Variants in CD37 observed in about 807,000 individuals in gnomAD.
CD37 encodes the protein CD37 molecule.
A neutral mutation model predicts 38.9 loss-of-function variants in CD37; 37 were observed. That is an observed-to-expected ratio of 0.95 (90% confidence interval 0.73 to 1.25). The LOEUF (loss-of-function observed/expected upper bound fraction) is 1.25. Ranked by LOEUF, CD37 falls within the 50% of genes most tolerant of loss-of-function variation. CD37 has a pLI of 0.00. For synonymous variants in CD37, 146 were observed against 150.1 expected (o/e 0.97, Z 0.20); for missense variants, 351 against 360.1 (o/e 0.97, Z 0.20).
Position 49,337,762 on chromosome 19 carries a change from G to T in CD37, c.343-163G>T, listed in dbSNP as rs1397423107. ...GAGACTTATGAGCCGTAGAAATAGT[G>T]GAAGAAACAGAAAGACAGACCTGAA... is the stretch of plus-strand genomic sequence containing the variant. On this transcript the variant is annotated intron_variant, in intron 4 of 7. Transcript: ENST00000323906. The T allele has an allele frequency of 3.3e-6, 5 of 1,538,300 alleles. No individual in the cohort carries two copies. The East Asian group carries it at 1.2e-4, about 38-fold the overall frequency.
At chr19:49,337,368 G>A (rs1970996329) in intron 4 of CD37, 147 bp downstream of exon 4, 16 of 819,890 alleles carry the variant, frequency 2.0e-5, no homozygotes, top group South Asian at 1.9e-4. Flanking sequence ...GGTGGCTCAC[G>A]CCTGTAATCC....
rs1364665524 is a variant in CD37, at chr19:49,337,161, G to A, written c.282G>A (p.Leu94=). The A allele has an allele frequency of 5.0e-6, 8 of 1,614,172 alleles. No individual in the cohort carries two copies. The Admixed American group carries it at 1.3e-4, about 27-fold the overall frequency. Residue 94 remains leucine (L), a synonymous_variant, in exon 4 of 8, where the codon CTG becomes CTA. Transcript: ENST00000323906. ...RCLLGLYFGM[L]LLLFATQITL... ...CTGCTCCCCAGTATTTTGGGATGCT[G>A]CTGCTCCTGTTTGCCACACAGATCA...
At position 49,339,441 on chromosome 19, in the gene CD37, T is replaced by C; in HGVS notation, c.768+28T>C. 1 of 1,603,860 alleles carries C rather than the reference T, an allele frequency of 6.2e-7. No homozygotes were observed. Among genetic ancestry groups the C allele is most frequent in the Non-Finnish European group, 8.5e-7 (1 of 1,172,234 alleles). ...GATCTGGCCCCGCCCCCACCCGCGA[T>C]CGGCCCTAAATCCCTAGATGGCCCT... On this transcript the variant is annotated intron_variant, in intron 7 of 7. Coordinates refer to ENST00000323906, the MANE Select transcript of CD37 (RefSeq NM_001774.3). The surrounding 1 kb of genome is among the most constrained non-coding windows in gnomAD (Gnocchi z 4.5).
chr19:49,335,561 C>T lies in CD37; in HGVS notation c.21C>T (p.Cys7=), dbSNP rs11545491. The change falls in exon 1 of 8, where the codon TGC becomes TGT. Residue 7 remains cysteine, a synonymous_variant. Transcript: ENST00000323906. This position sits in a 1 kb window ranked among gnomAD's most constrained non-coding sequence, Gnocchi z 4.6. MSAQES[C]LSLIKYFLFV... ...TGAAGATGTCAGCCCAGGAGAGCTG[C>T]CTCAGCCTCATCAAGTACTTCCTCT... The T allele has an allele frequency of 6.2e-7, 1 of 1,613,972 alleles. No homozygotes were observed. The highest frequency in any genetic ancestry group is 8.5e-7 in the Non-Finnish European group (1 of 1,179,888).
chr19:49,337,480 G>T, intron 4 of CD37: 1 of 608,452 alleles, frequency 1.6e-6, no homozygotes, highest in Non-Finnish European at 2.7e-6. Context: ...AAAAAATCCG[G>T]GTGTGATGGT....
Position 49,339,653 on chromosome 19 carries a change from C to T in CD37, c.768+240C>T. 1.4e-6 allele frequency: 2 copies of T among 1,428,236 alleles called. No individual in the cohort carries two copies. The highest frequency in any genetic ancestry group is 1.8e-6 in the Non-Finnish European group (2 of 1,095,876). The allele number at this position is 1,428,236 out of a possible 1,614,324, so 88.5% of individuals were successfully genotyped here. A position where few individuals can be genotyped will look rare whatever the true frequency, so the allele number is the denominator to read the frequency against. ...GGCTGCGATCTCCCTCCCCTTTCTCCGCAGATGACTGTCATGGTGCTGAGC... is the reference window on the plus strand; with the variant it reads ...GGCTGCGATCTCCCTCCCCTTTCTCTGCAGATGACTGTCATGGTGCTGAGC... On this transcript the variant is annotated intron_variant, in intron 7 of 7. Transcript: ENST00000323906. The surrounding 1 kb of genome is among the most constrained non-coding windows in gnomAD (Gnocchi z 4.5).
chr19:49,338,242 A>G lies in CD37; in HGVS notation c.447+213A>G. The G allele has an allele frequency of 7.4e-7, 1 of 1,351,808 alleles. No individual in the cohort carries two copies. Among genetic ancestry groups the G allele is most frequent in the Non-Finnish European group, 9.6e-7 (1 of 1,040,418 alleles). The allele number at this position is 1,351,808 out of a possible 1,614,324, so 83.7% of individuals were successfully genotyped here. A position where few individuals can be genotyped will look rare whatever the true frequency, so the allele number is the denominator to read the frequency against. On this transcript the variant is annotated intron_variant, in intron 5 of 7. Transcript: ENST00000323906. This position sits in a 1 kb window ranked among gnomAD's most constrained non-coding sequence, Gnocchi z 5.0. The stretch of plus-strand genomic sequence containing the variant: ...ACCCAGACCCTGGCGTGGCTTCGCC[A>G]TCTACCTCGAGAGACTCCGCCCCCG...
At chr19:49,337,082 C>T (rs1382609584) in intron 3 of CD37, 49 bp downstream of exon 3, 2 of 1,613,978 alleles carry the variant, frequency 1.2e-6, no homozygotes, top group Admixed American at 3.3e-5. Context: ...TATCCCCACC[C>T]TCAAAAATGG....
chr19:49,337,345 A>G (rs972833338), intron 4 of CD37, 124 bp downstream of exon 4: 1 of 967,288 alleles, frequency 1.0e-6, no homozygotes, highest in Non-Finnish European at 1.6e-6. Flanking sequence ...AAGAGAAATA[A>G]GAGGCTGGGC....
Position 49,338,243 on chromosome 19 carries a change from T to C in CD37, c.447+214T>C, listed in dbSNP as rs1012690070. ...CCCAGACCCTGGCGTGGCTTCGCCATCTACCTCGAGAGACTCCGCCCCCGC... is the reference window on the plus strand; with the variant it reads ...CCCAGACCCTGGCGTGGCTTCGCCACCTACCTCGAGAGACTCCGCCCCCGC... On this transcript the variant is annotated intron_variant, in intron 5 of 7. Coordinates refer to ENST00000323906, the MANE Select transcript of CD37 (RefSeq NM_001774.3). The surrounding 1 kb of genome is among the most constrained non-coding windows in gnomAD (Gnocchi z 5.0). The C allele has an allele frequency of 5.8e-6, 8 of 1,387,356 alleles. No homozygotes were observed. Among genetic ancestry groups the C allele is most frequent in the Non-Finnish European group, 7.5e-6 (8 of 1,063,326 alleles). 85.9% of individuals were successfully genotyped at this position (1,387,356 alleles called of 1,614,324 possible).
Position 49,339,747 on chromosome 19 carries a change from C to T in CD37, c.768+334C>T. The T allele has an allele frequency of 7.2e-7, 1 of 1,385,660 alleles. No homozygotes were observed. The allele number at this position is 1,385,660 out of a possible 1,614,324, so 85.8% of individuals were successfully genotyped here. On this transcript the variant is annotated intron_variant, in intron 7 of 7. Transcript: ENST00000323906. The surrounding 1 kb of genome is among the most constrained non-coding windows in gnomAD (Gnocchi z 4.5). ...ACGTGCCGGGCGCTGGGGATTCGAG[C>T]CCCGGGCCCAGCCTGATCGCTGACG...
Position 49,339,480 on chromosome 19 carries a change from C to A in CD37, c.768+67C>A. The A allele has an allele frequency of 6.4e-7, 1 of 1,557,062 alleles. No homozygotes were observed. Among genetic ancestry groups the A allele is most frequent in the Non-Finnish European group, 8.8e-7 (1 of 1,137,350 alleles). On this transcript the variant is annotated intron_variant, in intron 7 of 7. Coordinates refer to ENST00000323906, the MANE Select transcript of CD37 (RefSeq NM_001774.3). The surrounding 1 kb of genome is among the most constrained non-coding windows in gnomAD (Gnocchi z 4.5). ...CTAGATGGCCCTGCCCTTCATTTCG[C>A]GTCCTTCGGTTGCCTGGGAAGGACG...
In CD37 at chr19:49,338,183, C is replaced by A; in HGVS notation, c.447+154C>A. The A allele has an allele frequency of 1.4e-6, 2 of 1,441,514 alleles. No individual in the cohort carries two copies. Among genetic ancestry groups the A allele is most frequent in the Non-Finnish European group, 1.8e-6 (2 of 1,101,084 alleles). 89.3% of individuals were successfully genotyped at this position (1,441,514 alleles called of 1,614,324 possible). A position where few individuals can be genotyped will look rare whatever the true frequency, so the allele number is the denominator to read the frequency against. On this transcript the variant is annotated intron_variant, in intron 5 of 7. Coordinates refer to ENST00000323906, the MANE Select transcript of CD37 (RefSeq NM_001774.3). The surrounding 1 kb of genome is among the most constrained non-coding windows in gnomAD (Gnocchi z 5.0). ...CCGACGCTCCCCACTCCCCAGATGACACAACTGTCCCCGGCGTCGCCTGGT... is the reference window on the plus strand; with the variant it reads ...CCGACGCTCCCCACTCCCCAGATGAAACAACTGTCCCCGGCGTCGCCTGGT...
Position 49,338,166 on chromosome 19 carries a change from C to T in CD37, c.447+137C>T, listed in dbSNP as rs1177602135. ...CCCAATCCCTCCCAGGCCCGACGCT[C>T]CCCACTCCCCAGATGACACAACTGT... is the stretch of plus-strand genomic sequence containing the variant. On this transcript the variant is annotated intron_variant, in intron 5 of 7. Transcript: ENST00000323906. This position sits in a 1 kb window ranked among gnomAD's most constrained non-coding sequence, Gnocchi z 5.0. 8.1e-5 allele frequency: 118 copies of T among 1,452,992 alleles called. No homozygotes were observed. Among genetic ancestry groups the T allele is most frequent in the Non-Finnish European group, 1.0e-4 (116 of 1,105,112 alleles). 90.0% of individuals were successfully genotyped at this position (1,452,992 alleles called of 1,614,324 possible). A position where few individuals can be genotyped will look rare whatever the true frequency, so the allele number is the denominator to read the frequency against.
At position 49,337,021 on chromosome 19, in the gene CD37, C is replaced by T; in HGVS notation, c.255C>T (p.Cys85=). Residue 85 remains cysteine, a synonymous_variant, in exon 3 of 8, where the codon TGC becomes TGT. Transcript: ENST00000323906. The part of the protein sequence containing the change: ...GCVGALKELR[C]LLGLYFGMLL... ...TGGGGGCCCTCAAGGAGCTCCGCTG[C>T]CTCCTGGGCCTGGTGAGTGCACCAT... is the stretch of plus-strand genomic sequence containing the variant. The T allele has an allele frequency of 1.2e-6, 2 of 1,613,190 alleles. No homozygotes were observed. The highest frequency in any genetic ancestry group is 1.1e-5 in the South Asian group (1 of 90,986).
rs1971059115 is a variant in CD37, at chr19:49,338,792, C to G, written c.540C>G (p.Ser180=). Residue 180 remains serine (S), a synonymous_variant, in exon 6 of 8, where the codon TCC becomes TCG. Transcript: ENST00000323906. The surrounding 1 kb of genome is among the most constrained non-coding windows in gnomAD (Gnocchi z 5.0). The part of the protein sequence containing the change: ...NGSEAHRVPC[S]CYNLSATNDS... ...CGGAGGCGCACCGCGTGCCCTGCTC[C>G]TGCTACAACTTGTCGGCGACCAACG... 6.2e-7 allele frequency: 1 copy of G among 1,614,040 alleles called. No individual in the cohort carries two copies.
Position 49,338,341 on chromosome 19 carries a change from T to C in CD37, c.447+312T>C. On this transcript the variant is annotated intron_variant, in intron 5 of 7. Coordinates refer to ENST00000323906, the MANE Select transcript of CD37 (RefSeq NM_001774.3). This position sits in a 1 kb window ranked among gnomAD's most constrained non-coding sequence, Gnocchi z 5.0. ...CGAGACACGGCTTCCTACCCCGTAG[T>C]GACTCTGGCTTCCACCGGACCCCGC... 1.6e-6 allele frequency: 1 copy of C among 608,016 alleles called. No individual in the cohort carries two copies. Among genetic ancestry groups the C allele is most frequent in the Admixed American group, 3.3e-5 (1 of 30,122 alleles). 37.7% of individuals were successfully genotyped at this position (608,016 alleles called of 1,614,324 possible).
chr19:49,337,372 G>A, intron 4 of CD37, 151 bp downstream of exon 4: 1 of 800,142 alleles, frequency 1.2e-6, no homozygotes, highest in Non-Finnish European at 2.0e-6. Context: ...GCTCACGCCT[G>A]TAATCCCATA....
chr19:49,339,894 G>T lies in CD37; in HGVS notation c.769-357G>T. 1.5e-6 allele frequency: 2 copies of T among 1,345,352 alleles called. No homozygotes were observed. Among genetic ancestry groups the T allele is most frequent in the Non-Finnish European group, 1.9e-6 (2 of 1,043,170 alleles). 83.3% of individuals were successfully genotyped at this position (1,345,352 alleles called of 1,614,324 possible). ...TGGCCCTGGGGCTCTGGCCGCTGTGGGTTCAAGACGAGGACCAGCCTGACA... is the reference window on the plus strand; with the variant it reads ...TGGCCCTGGGGCTCTGGCCGCTGTGTGTTCAAGACGAGGACCAGCCTGACA... On this transcript the variant is annotated intron_variant, in intron 7 of 7. Coordinates refer to ENST00000323906, the MANE Select transcript of CD37 (RefSeq NM_001774.3). The surrounding 1 kb of genome is among the most constrained non-coding windows in gnomAD (Gnocchi z 4.5).
Sources: gnomAD v4.1 joint callset for allele counts on GRCh38, gnomAD v4.1.1 for gene constraint, Gnocchi (gnomAD v3.1) non-coding constraint, MANE v1.5 for transcripts, NCBI Gene and HGNC (gene_info 2026-07-23, HGNC 2026-07-21) for gene names.